The following NCOA2 variants were observed in gnomAD, a reference collection of about 807,000 sequenced individuals.
The protein encoded by NCOA2 is nuclear receptor coactivator 2, also known as class E basic helix-loop-helix protein 75.
Under a neutral mutation model 145.1 loss-of-function variants are expected in NCOA2, and 21 were observed. The observed-to-expected ratio is 0.14, with a 90% CI of 0.10 to 0.21. NCOA2 has a LOEUF of 0.21. NCOA2 is among the 10% of genes least tolerant of loss of function. NCOA2 has a pLI of 1.00. For synonymous variants in NCOA2, 619 were observed against 637.5 expected (o/e 0.97, Z 0.44); for missense variants, 1,472 against 1,837.6 (o/e 0.80, Z 3.64).
At chr8:70,424,328 T>A in the NCOA2 span, 1 of 373,410 alleles carries the variant, frequency 2.7e-6, no homozygotes. Flanking sequence ...TCCTTCTGCC[T>A]GTTCAAGAAC....
intron 1 of NCOA2, among the ~76,000 whole-genome samples, chr8:70,341,960 G>A (rs924253895): frequency 3.9e-5 from 6 of 152,088 alleles, no homozygotes; most frequent in African/African-American, 1.4e-4. Context: ...GACAACTTCT[G>A]AATATAACTA....
At chr8:70,283,169 A>G (rs1199046107) in intron 2 of NCOA2, among the ~76,000 whole-genome samples, 1 of 152,200 alleles carries the variant, frequency 6.6e-6, no homozygotes, top group Non-Finnish European at 1.5e-5. Context: ...TTATCCACGA[A>G]ATTGAAGAGA....
At chr8:70,147,110 T>TCGCGCGCGCGCGTG (rs1811156604) in intron 12 of NCOA2, among the ~76,000 whole-genome samples, 1 of 149,482 alleles carries the variant, frequency 6.7e-6, no homozygotes, top group African/African-American at 2.5e-5. Flanking sequence ...TGCAAATCTT[T>TCGCGCGCGCGCGTG]CGCGCGCGCG....
intron 1 of NCOA2, among the ~76,000 whole-genome samples, chr8:70,351,602 T>A (rs1809227141): frequency 6.6e-6 from 1 of 151,280 alleles, no homozygotes; most frequent in African/African-American, 2.4e-5. Flanking sequence ...TCCTTTTTTT[T>A]TTTTTTTTAA....
the NCOA2 span, among the ~76,000 whole-genome samples, chr8:70,450,512 C>T: frequency 6.6e-6 from 1 of 150,976 alleles, no homozygotes; most frequent in African/African-American, 2.4e-5. Context: ...ATAAACTACC[C>T]AGTGTATGAT....
intron 11 of NCOA2, among the ~76,000 whole-genome samples, chr8:70,154,860 A>T (rs1344024499): frequency 2.0e-5 from 3 of 152,182 alleles, no homozygotes; most frequent in African/African-American, 7.2e-5. Flanking sequence ...AGTTCAAGAG[A>T]TCTATTGTAC....
intron 9 of NCOA2, 128 bp from the exon 10 acceptor site, chr8:70,159,780 G>A (rs1812742296): frequency 2.6e-6 from 2 of 766,426 alleles, no homozygotes; most frequent in African/African-American, 1.7e-5. Flanking sequence ...CATGTAAAGA[G>A]TTATAAGTAA....
At chr8:70,271,245 A>G (rs1381463515) in intron 2 of NCOA2, among the ~76,000 whole-genome samples, 1 of 152,224 alleles carries the variant, frequency 6.6e-6, no homozygotes, top group Non-Finnish European at 1.5e-5. Flanking sequence ...CAGATTTGCT[A>G]TGTCTTTGAG....
chr8:70,136,487 A>G (rs1052474154), intron 15 of NCOA2, among the ~76,000 whole-genome samples: 6 of 152,126 alleles, frequency 3.9e-5, no homozygotes, highest in Admixed American at 3.9e-4. Context: ...ATATCTTTAA[A>G]AAGTCATCTA....
At chr8:70,192,314 G>A (rs781115797) in intron 4 of NCOA2, among the ~76,000 whole-genome samples, 14 of 151,814 alleles carry the variant, frequency 9.2e-5, no homozygotes, top group East Asian at 1.9e-4. Context: ...GTGCTACAGC[G>A]GACCAGAGGA....
intron 2 of NCOA2, among the ~76,000 whole-genome samples, chr8:70,250,078 TG>T (rs1481560358): frequency 6.6e-6 from 1 of 150,834 alleles, no homozygotes; most frequent in Non-Finnish European, 1.5e-5. Flanking sequence ...CTTTTAGTAA[TG>T]TCGTTTTCAT....
chr8:70,275,412 AATTTTATTTTCAAT>A (rs2135380700), intron 2 of NCOA2, among the ~76,000 whole-genome samples: 1 of 152,276 alleles, frequency 6.6e-6, no homozygotes, highest in East Asian at 1.9e-4. Flanking sequence ...TGTAAATTTG[AATTTTATTTTCAAT>A]ATGTGAAGGA....
intron 2 of NCOA2, among the ~76,000 whole-genome samples, chr8:70,262,993 C>T (rs2926700): frequency 0.9 from 135,749 of 151,652 alleles, 61,195 homozygotes; most frequent in African/African-American, 0.95. Context: ...ATTATTACTA[C>T]AGATTTTGGC....
intron 2 of NCOA2, among the ~76,000 whole-genome samples, chr8:70,237,462 T>G (rs1201411642): frequency 6.6e-6 from 1 of 151,656 alleles, no homozygotes; most frequent in African/African-American, 2.4e-5. Context: ...CTTATAGTTT[T>G]GTATCTGTTA....
At chr8:70,300,865 G>C (rs765310753) in intron 1 of NCOA2, among the ~76,000 whole-genome samples, 1 of 152,182 alleles carries the variant, frequency 6.6e-6, no homozygotes, top group Non-Finnish European at 1.5e-5. Flanking sequence ...AGAGCACTGA[G>C]TAGAGAACTT....
intron 22 of NCOA2, among the ~76,000 whole-genome samples, chr8:70,114,592 C>T (rs1298495069): frequency 1.3e-5 from 2 of 152,174 alleles, no homozygotes; most frequent in Admixed American, 6.5e-5. Flanking sequence ...CAAAAATTGC[C>T]CGACTAGGCA....
chr8:70,249,335 C>T (rs1822902017), intron 2 of NCOA2, among the ~76,000 whole-genome samples: 1 of 152,084 alleles, frequency 6.6e-6, no homozygotes, highest in Non-Finnish European at 1.5e-5. Flanking sequence ...AAGGTGATTA[C>T]GTTGCAATAT....
intron 2 of NCOA2, among the ~76,000 whole-genome samples, chr8:70,258,440 T>C (rs1185645075): frequency 6.6e-6 from 1 of 152,238 alleles, no homozygotes; most frequent in African/African-American, 2.4e-5. Context: ...CTCACCTTTC[T>C]GAGGAAGTTT....
chr8:70,140,593 GTTTTTTT>G (rs71558582), intron 14 of NCOA2, among the ~76,000 whole-genome samples: 71 of 79,788 alleles, frequency 8.9e-4, no homozygotes, highest in Admixed American at 4.1e-3. Flanking sequence ...TACCACCTAA[GTTTTTTT>G]TTTTTTTTTT....
Sources: allele counts gnomAD v4.1 joint callset (sites outside exome capture counted in the v4.1 genomes callset), GRCh38; gene constraint gnomAD v4.1.1; transcripts MANE v1.5; gene names NCBI Gene and HGNC (gene_info 2026-07-23, HGNC 2026-07-21).